CELF1: variants seen among roughly 807,000 people sequenced by gnomAD.
CELF1 encodes 50 kDa nuclear polyadenylated RNA-binding protein.
CELF1 carries 10 observed loss-of-function variants against 61.8 expected under a neutral mutation model. The observed-to-expected ratio is 0.16, with a 90% CI of 0.10 to 0.27. The LOEUF is 0.27. Ranked by LOEUF, CELF1 falls within the 10% of genes least tolerant of loss-of-function variation. The pLI is 1.00. For synonymous variants in CELF1, 236 were observed against 225.1 expected, an observed-to-expected ratio of 1.05 and a Z score of -0.43; for missense variants, 380 against 639.1, an observed-to-expected ratio of 0.59 and a Z score of 4.37.
chr11:47,547,647 C>T (rs1236850639), intron 1 of CELF1, among the ~76,000 whole-genome samples: 2 of 130,070 alleles, frequency 1.5e-5, no homozygotes, highest in African/African-American at 2.9e-5. Context: ...CCAGTCTAGG[C>T]GACAAGAGCG....
At chr11:47,513,464 C>CT (rs35845903) in intron 1 of CELF1, 292 of 94,908 alleles carry the variant, frequency 3.1e-3, no homozygotes, top group African/African-American at 4.6e-3. Context: ...AGCACCCCCT[C>CT]TTTTTTTTTT....
chr11:47,511,002 T>C (rs1565859440), intron 1 of CELF1, among the ~76,000 whole-genome samples: 1 of 151,588 alleles, frequency 6.6e-6, no homozygotes, highest in Admixed American at 6.6e-5. Context: ...GGCAACATCA[T>C]GAAACCCTGT....
At chr11:47,558,955 T>G (rs1317230829) in intron 2 of CELF1, among the ~76,000 whole-genome samples, 1 of 138,822 alleles carries the variant, frequency 7.2e-6, no homozygotes, top group African/African-American at 2.6e-5. Flanking sequence ...ATATATTACA[T>G]ATAATATGTA....
chr11:47,484,237 C>A, intron 7 of CELF1, 152 bp downstream of exon 7: 1 of 733,012 alleles, frequency 1.4e-6, no homozygotes, highest in Non-Finnish European at 2.2e-6. Flanking sequence ...GGAGGCTGAT[C>A]CTGGGAGGTT....
chr11:47,497,880 T>C (rs1047474810), intron 3 of CELF1, among the ~76,000 whole-genome samples: 9 of 152,324 alleles, frequency 5.9e-5, no homozygotes, highest in Middle Eastern at 3.4e-3. Context: ...AGAAGAATGC[T>C]GTGTCAATGT....
intron 3 of CELF1, among the ~76,000 whole-genome samples, chr11:47,494,022 C>G (rs1291104653): frequency 6.6e-6 from 1 of 152,222 alleles, no homozygotes; most frequent in Non-Finnish European, 1.5e-5. Flanking sequence ...CTTACTTCCC[C>G]ATTCAATGGA....
chr11:47,470,086 T>TCAATCATACACAGCACCCTGTGTGTATAA lies in CELF1; in HGVS notation c.*2115_*2143dup, dbSNP rs2077360889. ...AACGGGCCACAGAAAGTCAGTAGTT[T>TCAATCATACACAGCACCCTGTGTGTATAA]CAATCATACACAGCACCCTGTGTGT... On this transcript the variant is annotated 3_prime_UTR_variant, in exon 15 of 15. Transcript: ENST00000687097. 1.3e-5 allele frequency: 2 copies of TCAATCATACACAGCACCCTGTGTGTATAA among 152,166 alleles called. No homozygotes were observed. The highest frequency in any genetic ancestry group is 2.9e-5 in the Non-Finnish European group (2 of 68,050). 9.4% of individuals were successfully genotyped at this position (152,166 alleles called of 1,614,324 possible). A position where few individuals can be genotyped will look rare whatever the true frequency, so the allele number is the denominator to read the frequency against.
At position 47,506,402 on chromosome 11, in the gene CELF1, C is replaced by A. The variant is rs137935090; in HGVS notation, c.-153-5470G>T. On this transcript the variant is annotated intron_variant, in intron 1 of 14. Coordinates refer to ENST00000687097, the MANE Select transcript of CELF1 (RefSeq NM_001376376.1). ...CAAGATCGCGCCACTGCTCTCCAGC[C>A]TGGGTGACAGAGCGAGACTCCGGCT... Among the ~76,000 whole-genome samples the A allele has an allele frequency of 2.5e-3, 354 of 142,084 alleles. 9 individuals carry two copies. Among genetic ancestry groups the A allele is most frequent in the Middle Eastern group, 0.015 (4 of 264 alleles). 93.2% of individuals were successfully genotyped at this position (142,084 alleles called of 152,430 possible). A position where few individuals can be genotyped will look rare whatever the true frequency, so the allele number is the denominator to read the frequency against.
At chr11:47,502,180 G>A (rs1418571500) in intron 1 of CELF1, among the ~76,000 whole-genome samples, 1 of 152,126 alleles carries the variant, frequency 6.6e-6, no homozygotes, top group African/African-American at 2.4e-5. Flanking sequence ...ATAGAAAGCA[G>A]GGCCCATAAA....
At chr11:47,491,990 C>T (rs1195537733) in intron 3 of CELF1, among the ~76,000 whole-genome samples, 1 of 152,032 alleles carries the variant, frequency 6.6e-6, no homozygotes, top group Non-Finnish European at 1.5e-5. Context: ...ACGCCTTTTT[C>T]TTTTAAAGAC....
chr11:47,482,525 G>A, intron 9 of CELF1, 170 bp downstream of exon 9: 1 of 551,472 alleles, frequency 1.8e-6, no homozygotes, highest in Non-Finnish European at 3.2e-6. Flanking sequence ...TATATATAGA[G>A]AGAGAAAGAG....
At chr11:47,501,712 A>C (rs1565836744) in intron 1 of CELF1, among the ~76,000 whole-genome samples, 1 of 152,046 alleles carries the variant, frequency 6.6e-6, no homozygotes, top group Admixed American at 6.6e-5. Context: ...AACCCCAGCT[A>C]CTCGGGAGGC....
rs1302162889 is a variant in CELF1 at position 47,470,106 on chromosome 11, G to A, written c.*2124C>T. 2 of 152,138 alleles carry A rather than the reference G, an allele frequency of 1.3e-5. No individual in the cohort carries two copies. Among genetic ancestry groups the A allele is most frequent in the Non-Finnish European group, 2.9e-5 (2 of 68,028 alleles). 9.4% of individuals were successfully genotyped at this position (152,138 alleles called of 1,614,324 possible). On this transcript the variant is annotated 3_prime_UTR_variant, in exon 15 of 15. Coordinates refer to ENST00000687097, the MANE Select transcript of CELF1 (RefSeq NM_001376376.1). ...TAGTTTCAATCATACACAGCACCCT[G>A]TGTGTATAACAATCACATTCTGGAT...
chr11:47,550,388 G>A (rs2153769309), intron 1 of CELF1, among the ~76,000 whole-genome samples: 1 of 152,180 alleles, frequency 6.6e-6, no homozygotes, highest in South Asian at 2.1e-4. Context: ...AAAACCCTCT[G>A]GGCGCAGTGG....
intron 13 of CELF1, among the ~76,000 whole-genome samples, chr11:47,473,552 G>A (rs1374483048): frequency 6.6e-6 from 1 of 152,170 alleles, no homozygotes; most frequent in African/African-American, 2.4e-5. Flanking sequence ...GGCTCAGAGA[G>A]GAACACAGAA....
chr11:47,504,668 G>A (rs1363675137), intron 1 of CELF1, among the ~76,000 whole-genome samples: 4 of 149,072 alleles, frequency 2.7e-5, no homozygotes, highest in African/African-American at 4.9e-5. Flanking sequence ...TTGGAAGGCC[G>A]AGGTGAGCAG....
intron 2 of CELF1, among the ~76,000 whole-genome samples, chr11:47,562,507 C>G: frequency 1.0e-5 from 1 of 96,270 alleles, no homozygotes; most frequent in South Asian, 3.9e-4. Flanking sequence ...CCAGCCTGGG[C>G]AACAGGAGTG....
At chr11:47,535,374 C>A (rs911578559) in intron 1 of CELF1, among the ~76,000 whole-genome samples, 1 of 152,032 alleles carries the variant, frequency 6.6e-6, no homozygotes, top group African/African-American at 2.4e-5. Context: ...TATTAAGATA[C>A]TCCACAAACA....
Position 47,472,076 on chromosome 11 carries a change from T to G in CELF1, c.*154A>C. 1.2e-6 allele frequency: 1 copy of G among 809,432 alleles called. No homozygotes were observed. Among genetic ancestry groups the G allele is most frequent in the Non-Finnish European group, 1.9e-6 (1 of 513,546 alleles). 50.1% of individuals were successfully genotyped at this position (809,432 alleles called of 1,614,324 possible). A position where few individuals can be genotyped will look rare whatever the true frequency, so the allele number is the denominator to read the frequency against. On this transcript the variant is annotated 3_prime_UTR_variant, in exon 15 of 15. Transcript: ENST00000687097. ...GAAGCGAAACTCCCACAGAAGGCAGTAGCCGAGTCTTCAGGGCAAGCTGTG... is the reference window on the plus strand; with the variant it reads ...GAAGCGAAACTCCCACAGAAGGCAGGAGCCGAGTCTTCAGGGCAAGCTGTG...
Sources: gnomAD v4.1 joint callset for allele counts (sites outside exome capture counted in the v4.1 genomes callset) on GRCh38, gnomAD v4.1.1 for gene constraint, MANE v1.5 for transcripts, NCBI Gene and HGNC (gene_info 2026-07-23, HGNC 2026-07-21) for gene names.